PTBP1: variants seen among roughly 807,000 people sequenced by gnomAD.
PTBP1 encodes polypyrimidine tract-binding protein 1.
Under a neutral mutation model 59.8 loss-of-function variants are expected in PTBP1, and 8 were observed. The observed-to-expected ratio is 0.13, with a 90% CI of 0.08 to 0.24. The LOEUF (loss-of-function observed/expected upper bound fraction) is 0.24. Ranked by LOEUF, PTBP1 falls within the 10% of genes least tolerant of loss-of-function variation. PTBP1 has a pLI of 1.00. For missense variants in PTBP1, 686 were observed against 767.0 expected, an observed-to-expected ratio of 0.89 and a Z score of 1.25; for synonymous variants, 490 against 320.7, an observed-to-expected ratio of 1.53 and a Z score of -5.64.
At position 805,003 on chromosome 19, in the gene PTBP1, C is replaced by T. The variant is rs1316287599; in HGVS notation, c.718-10C>T. The T allele has an allele frequency of 5.6e-6, 9 of 1,613,180 alleles. No homozygotes were observed. Among genetic ancestry groups the T allele is most frequent in the East Asian group, 2.2e-5 (1 of 44,864 alleles). ...GGCCCGGCGACGTCTCACGGTCCCTCTCCCCTCAGTCGCTGGACGGGCAGA... is the reference window on the plus strand; with the variant it reads ...GGCCCGGCGACGTCTCACGGTCCCTTTCCCCTCAGTCGCTGGACGGGCAGA... On this transcript the variant is annotated splice_polypyrimidine_tract_variant and intron_variant, in intron 7 of 14. Coordinates refer to ENST00000356948, the MANE Select transcript of PTBP1 (RefSeq NM_002819.5).
At position 804,699 on chromosome 19, in the gene PTBP1, C is replaced by G. The variant is rs189076650; in HGVS notation, c.603C>G (p.His201Gln). Residue 201 changes from histidine (H) to glutamine (Q), a missense_variant, in exon 6 of 15, where the codon CAC (histidine) becomes CAG (glutamine). By Grantham distance (24) the His-to-Gln change is conservative. Coordinates refer to ENST00000356948, the MANE Select transcript of PTBP1 (RefSeq NM_002819.5). The part of the protein sequence containing the change: ...LFYPVTLDVL[H>Q]QIFSKFGTVL... Reference sequence around the variant, plus strand: ...ACCCTGTGACCCTGGATGTGCTGCACCAGGTGAGGTGGTCCCATCACCGCC... The same window carrying G: ...ACCCTGTGACCCTGGATGTGCTGCAGCAGGTGAGGTGGTCCCATCACCGCC... 3.8e-5 allele frequency: 61 copies of G among 1,611,720 alleles called. No individual in the cohort carries two copies. The highest frequency in any genetic ancestry group is 1.7e-4 in the Middle Eastern group (1 of 6,058).
chr19:810,151 A>T (rs28458957), intron 13 of PTBP1, among the ~76,000 whole-genome samples: 1 of 152,180 alleles, frequency 6.6e-6, no homozygotes, highest in Non-Finnish European at 1.5e-5. Flanking sequence ...TACTAAAAAT[A>T]AAAAAATTAG....
chr19:806,751 C>CTGA (rs2034599713), intron 10 of PTBP1, 195 bp downstream of exon 10: 1 of 511,246 alleles, frequency 2.0e-6, no homozygotes, highest in East Asian at 3.5e-5. Flanking sequence ...GAATTCACAT[C>CTGA]TTGGTTCGCG....
chr19:806,880 C>T (rs943500882), intron 10 of PTBP1: 1 of 229,880 alleles, frequency 4.4e-6, no homozygotes, highest in Non-Finnish European at 8.4e-6. Flanking sequence ...CCCTGCTGGT[C>T]AGCGGGACAC....
intron 1 of PTBP1, among the ~76,000 whole-genome samples, chr19:798,031 C>T (rs1472526336): frequency 6.6e-6 from 1 of 151,306 alleles, no homozygotes; most frequent in East Asian, 1.9e-4. Context: ...GCTGGGGCGG[C>T]CGCCGGGAGG....
At position 811,631 on chromosome 19, in the gene PTBP1, T is replaced by A. The variant is rs1193028387; in HGVS notation, c.*805T>A. On this transcript the variant is annotated 3_prime_UTR_variant, in exon 15 of 15. Coordinates refer to ENST00000356948, the MANE Select transcript of PTBP1 (RefSeq NM_002819.5). ...GCTGTTACTTTTATTTTATTCCTTG[T>A]AATTAAGTCACAGGCAGGACCCAGT... 3 of 152,408 alleles carry A rather than the reference T, an allele frequency of 2.0e-5. No homozygotes were observed. Among genetic ancestry groups the A allele is most frequent in the Admixed American group, 2.0e-4 (3 of 15,292 alleles). 9.4% of individuals were successfully genotyped at this position (152,408 alleles called of 1,614,324 possible). A position where few individuals can be genotyped will look rare whatever the true frequency, so the allele number is the denominator to read the frequency against.
In PTBP1 at chr19:811,324, C is replaced by G. The variant is rs567354981; in HGVS notation, c.*498C>G. The stretch of plus-strand genomic sequence containing the variant: ...GCTGCGACACCCCAACCCCAGCCCT[C>G]TAATCAAGTCACGTGATTCTCCCTT... On this transcript the variant is annotated 3_prime_UTR_variant, in exon 15 of 15. Coordinates refer to ENST00000356948, the MANE Select transcript of PTBP1 (RefSeq NM_002819.5). The G allele has an allele frequency of 6.6e-6, 1 of 152,586 alleles. No individual in the cohort carries two copies. Among genetic ancestry groups the G allele is most frequent in the African/African-American group, 2.4e-5 (1 of 41,472 alleles). 9.5% of individuals were successfully genotyped at this position (152,586 alleles called of 1,614,324 possible).
chr19:810,233 C>T (rs1464798280), intron 13 of PTBP1, among the ~76,000 whole-genome samples: 3 of 152,152 alleles, frequency 2.0e-5, no homozygotes, highest in African/African-American at 7.2e-5. Context: ...CTTGAACCTG[C>T]AGGCGGAGGT....
At chr19:809,172 C>G (rs972999027) in intron 13 of PTBP1, among the ~76,000 whole-genome samples, 3 of 152,048 alleles carry the variant, frequency 2.0e-5, no homozygotes, top group African/African-American at 7.2e-5. Context: ...CCACACCTGG[C>G]TAATTTTTGT....
intron 2 of PTBP1, among the ~76,000 whole-genome samples, chr19:799,983 G>T (rs1419186320): frequency 6.6e-6 from 1 of 152,064 alleles, no homozygotes; most frequent in Non-Finnish European, 1.5e-5. Flanking sequence ...CTGGAGTGCA[G>T]TGGTGTGATC....
At chr19:802,898 G>A (rs1309215521) in intron 2 of PTBP1, among the ~76,000 whole-genome samples, 2 of 152,232 alleles carry the variant, frequency 1.3e-5, no homozygotes, top group African/African-American at 4.8e-5. Context: ...CAGAAGTGAT[G>A]GAGCCGCTGT....
intron 10 of PTBP1, chr19:807,269 C>T (rs900136000): frequency 1.3e-5 from 2 of 152,864 alleles, no homozygotes; most frequent in African/African-American, 4.8e-5. Flanking sequence ...TAGAGACTGA[C>T]TTGTGCCACA....
chr19:801,607 C>T (rs1413207428), intron 2 of PTBP1, among the ~76,000 whole-genome samples: 1 of 152,228 alleles, frequency 6.6e-6, no homozygotes, highest in Non-Finnish European at 1.5e-5. Flanking sequence ...TGGGGGAGGA[C>T]CAGCCCTGGT....
intron 2 of PTBP1, among the ~76,000 whole-genome samples, chr19:803,282 C>T (rs1053215831): frequency 6.6e-6 from 1 of 152,200 alleles, no homozygotes; most frequent in Non-Finnish European, 1.5e-5. Flanking sequence ...ACGTGGTGCC[C>T]TCCGTAGCTG....
rs1335627908 is a variant in PTBP1 at position 811,430 on chromosome 19, C to G, written c.*604C>G. ...GCTGCGGAGCTGGTCGACATAATCTCTGTATTATATACTTTGCAGTTGCAG... is the reference window on the plus strand; with the variant it reads ...GCTGCGGAGCTGGTCGACATAATCTGTGTATTATATACTTTGCAGTTGCAG... On this transcript the variant is annotated 3_prime_UTR_variant, in exon 15 of 15. Coordinates refer to ENST00000356948, the MANE Select transcript of PTBP1 (RefSeq NM_002819.5). 6.6e-6 allele frequency: 1 copy of G among 152,512 alleles called. No individual in the cohort carries two copies. The highest frequency in any genetic ancestry group is 1.5e-5 in the Non-Finnish European group (1 of 68,072). The allele number at this position is 152,512 out of a possible 1,614,324, so 9.4% of individuals were successfully genotyped here.
At chr19:805,932 T>A (rs978334929) in intron 9 of PTBP1, 1 of 304,604 alleles carries the variant, frequency 3.3e-6, no homozygotes, top group Non-Finnish European at 6.2e-6. Flanking sequence ...CTGAGCAGCA[T>A]GACCGGCGGC....
chr19:806,381 C>A lies in PTBP1; in HGVS notation c.971-27C>A, dbSNP rs186253150. The A allele has an allele frequency of 6.6e-4, 1,044 of 1,583,606 alleles. 5 individuals are homozygous for A. Among genetic ancestry groups the A allele is most frequent in the Middle Eastern group, 2.7e-3 (16 of 5,936 alleles). ...TCTGCGGTGGAGTCGGGGGCGCCGC[C>A]GCTCATCTCACCTCCTGCTTTTCCA... On this transcript the variant is annotated intron_variant, in intron 9 of 14. Transcript: ENST00000356948.
rs893473665 is a variant in PTBP1, at chr19:808,762, C to T, written c.1463C>T (p.Pro488Leu). 14 of 1,610,182 alleles carry T rather than the reference C, an allele frequency of 8.7e-6. No homozygotes were observed. The highest frequency in any genetic ancestry group is 1.2e-5 in the Non-Finnish European group (14 of 1,178,756). ...GCCACGCTGCACCTCTCCAACATCCCGTGAGTGCTGGGCCGGGGGGCTCAT... is the reference window on the plus strand; with the variant it reads ...GCCACGCTGCACCTCTCCAACATCCTGTGAGTGCTGGGCCGGGGGGCTCAT... ...PSATLHLSNIPPSVSEEDLKV... is the reference protein window; with the variant it reads ...PSATLHLSNILPSVSEEDLKV... Residue 488 changes from proline (P) to leucine (L), a missense_variant and splice_region_variant, in exon 13 of 15, where the codon CCG (proline) becomes CTG (leucine). Pro to Leu is a moderately conservative substitution (Grantham distance 98). Coordinates refer to ENST00000356948, the MANE Select transcript of PTBP1 (RefSeq NM_002819.5). The surrounding 1 kb of genome is among the most constrained non-coding windows in gnomAD (Gnocchi z 4.7).
intron 2 of PTBP1, among the ~76,000 whole-genome samples, chr19:800,101 ATTTTTTT>A (rs35076364): frequency 4.6e-5 from 6 of 131,502 alleles, no homozygotes; most frequent in Non-Finnish European, 8.1e-5. Context: ...TAATTTTTGT[ATTTTTTT>A]TTTTTTTTTT....
Sources: gnomAD v4.1 joint callset for allele counts (sites outside exome capture counted in the v4.1 genomes callset) on GRCh38, gnomAD v4.1.1 for gene constraint, Gnocchi (gnomAD v3.1) non-coding constraint, MANE v1.5 for transcripts, NCBI Gene and HGNC (gene_info 2026-07-23, HGNC 2026-07-21) for gene names.